The following CNTN1 variants were observed in gnomAD, a reference collection of about 807,000 sequenced individuals.
CNTN1 encodes the protein contactin-1.
CNTN1 carries 38 observed loss-of-function variants against 126.4 expected under a neutral mutation model. The observed-to-expected ratio is 0.30, with a 90% confidence interval of 0.23 to 0.39. The LOEUF is 0.39. CNTN1 is among the 10% of genes least tolerant of loss of function. CNTN1 has a pLI of 1.00. For missense variants in CNTN1, 1,009 were observed against 1,248.4 expected, an observed-to-expected ratio of 0.81 and a Z score of 2.89; for synonymous variants, 413 against 422.6, an observed-to-expected ratio of 0.98 and a Z score of 0.28.
chr12:40,836,274 A>G (rs969848850), intron 1 of CNTN1, among the ~76,000 whole-genome samples: 9 of 148,324 alleles, frequency 6.1e-5, no homozygotes, highest in African/African-American at 2.5e-5. Context: ...TATAATATGT[A>G]TGTATATATA....
chr12:40,880,005 C>A (rs965374664), intron 1 of CNTN1, among the ~76,000 whole-genome samples: 1 of 152,016 alleles, frequency 6.6e-6, no homozygotes. Context: ...TGTAGTAATA[C>A]CTTTGCTCCA....
intron 1 of CNTN1, among the ~76,000 whole-genome samples, chr12:40,725,476 A>G (rs1310438712): frequency 6.7e-6 from 1 of 150,250 alleles, no homozygotes. Context: ...CTTTTTCTCT[A>G]TCCCTTTGAG....
chr12:40,759,490 G>C (rs1938753782), intron 1 of CNTN1, among the ~76,000 whole-genome samples: 1 of 143,602 alleles, frequency 7.0e-6, no homozygotes, highest in Admixed American at 7.2e-5. Flanking sequence ...TTTTTAGACA[G>C]GGTCTCACTC....
At chr12:40,932,479 C>T (rs952318714) in intron 7 of CNTN1, among the ~76,000 whole-genome samples, 1 of 151,936 alleles carries the variant, frequency 6.6e-6, no homozygotes, top group Non-Finnish European at 1.5e-5. Flanking sequence ...TCTCTATTAG[C>T]ACCATGAGAA....
At chr12:40,862,060 A>AT (rs1943132295) in intron 1 of CNTN1, among the ~76,000 whole-genome samples, 3 of 88,514 alleles carry the variant, frequency 3.4e-5, no homozygotes, top group African/African-American at 1.6e-4. Context: ...ACAAAAATAA[A>AT]GAAAAAAAAA....
At chr12:40,889,593 A>T (rs1944169766) in intron 1 of CNTN1, among the ~76,000 whole-genome samples, 1 of 152,134 alleles carries the variant, frequency 6.6e-6, no homozygotes, top group South Asian at 2.1e-4. Context: ...TCAATGGGAG[A>T]GTCAGACACT....
At chr12:40,776,622 C>T (rs1939586743) in intron 1 of CNTN1, among the ~76,000 whole-genome samples, 1 of 151,704 alleles carries the variant, frequency 6.6e-6, no homozygotes, top group Non-Finnish European at 1.5e-5. Context: ...CTTTCTCTAT[C>T]CCTACTTCCT....
intron 23 of CNTN1, among the ~76,000 whole-genome samples, chr12:41,043,290 A>C (rs900983422): frequency 5.9e-5 from 9 of 152,294 alleles, no homozygotes; most frequent in Admixed American, 1.3e-4. Flanking sequence ...CAATGAACTC[A>C]AACAAATTTA....
At chr12:41,015,974 A>G (rs1948769880) in intron 18 of CNTN1, among the ~76,000 whole-genome samples, 1 of 152,156 alleles carries the variant, frequency 6.6e-6, no homozygotes, top group Non-Finnish European at 1.5e-5. Flanking sequence ...TGAGTGCAAT[A>G]TTGTCCCTTC....
At chr12:40,944,711 G>A (rs562967988) in intron 14 of CNTN1, among the ~76,000 whole-genome samples, 101 of 152,068 alleles carry the variant, frequency 6.6e-4, no homozygotes, top group South Asian at 4.4e-3. Flanking sequence ...GATATAGAGA[G>A]TCAAGGTGTA....
intron 16 of CNTN1, among the ~76,000 whole-genome samples, chr12:40,983,096 A>G (rs1947863815): frequency 6.6e-6 from 1 of 152,156 alleles, no homozygotes; most frequent in Non-Finnish European, 1.5e-5. Context: ...ATAATAAAAT[A>G]AATAAATAAG....
At position 40,996,315 on chromosome 12, in the gene CNTN1, T is replaced by G. The variant is rs115126685; in HGVS notation, c.2113+3046T>G. ...CCCAGCTATTTTGTGTGTTTTTTGG[T>G]AGAGACTGGGTTTCTCCATGTTGCC... On this transcript the variant is annotated intron_variant, in intron 17 of 23. Coordinates refer to ENST00000551295, the MANE Select transcript of CNTN1 (RefSeq NM_001843.4). Among the ~76,000 whole-genome samples the G allele has an allele frequency of 8.0e-3, 1,217 of 152,162 alleles. 13 individuals are homozygous for G. The highest frequency in any genetic ancestry group is 0.028 in the African/African-American group (1,143 of 41,506).
chr12:40,990,690 C>A (rs188797087), intron 16 of CNTN1, among the ~76,000 whole-genome samples: 1 of 152,234 alleles, frequency 6.6e-6, no homozygotes, highest in Non-Finnish European at 1.5e-5. Flanking sequence ...ATCAGTCAAT[C>A]AACTGCAGCT....
chr12:40,732,572 A>G (rs1357024077), intron 1 of CNTN1, among the ~76,000 whole-genome samples: 2 of 152,046 alleles, frequency 1.3e-5, no homozygotes, highest in Admixed American at 6.6e-5. Flanking sequence ...CCTCTAGTGC[A>G]TAGAGGGGAA....
intron 16 of CNTN1, among the ~76,000 whole-genome samples, chr12:40,991,607 A>T (rs1948096942): frequency 6.6e-6 from 1 of 152,170 alleles, no homozygotes; most frequent in African/African-American, 2.4e-5. Context: ...AGGTGGGTGG[A>T]TCACGAGGTC....
rs573304054 is a variant in CNTN1 at position 40,838,347 on chromosome 12, A to G, written c.-76-70010A>G. Among the ~76,000 whole-genome samples, 7 of 152,098 alleles carry G rather than the reference A, an allele frequency of 4.6e-5. No individual in the cohort carries two copies. In the South Asian group the frequency reaches 1.5e-3, roughly 32 times the overall value. ...AACACACACCAACTGAGACCCAAAT[A>G]ATTTTTCTGCCATTGCTATTGCCAT... On this transcript the variant is annotated intron_variant, in intron 1 of 23. Coordinates refer to ENST00000551295, the MANE Select transcript of CNTN1 (RefSeq NM_001843.4).
At chr12:40,985,530 A>G (rs1395701639) in intron 16 of CNTN1, among the ~76,000 whole-genome samples, 1 of 152,122 alleles carries the variant, frequency 6.6e-6, no homozygotes, top group East Asian at 1.9e-4. Flanking sequence ...CTTTAAAAAC[A>G]TTGTTCTGTT....
At chr12:40,853,970 T>C (rs1000636400) in intron 1 of CNTN1, among the ~76,000 whole-genome samples, 7 of 150,658 alleles carry the variant, frequency 4.6e-5, no homozygotes, top group Non-Finnish European at 4.4e-5. Context: ...TCCAAATTTA[T>C]AATAATTTTC....
At chr12:40,842,954 C>T (rs1390250458) in intron 1 of CNTN1, among the ~76,000 whole-genome samples, 1 of 151,930 alleles carries the variant, frequency 6.6e-6, no homozygotes, top group Non-Finnish European at 1.5e-5. Flanking sequence ...GGATTTTATG[C>T]AATGATATAA....
Sources: gnomAD v4.1 joint callset for allele counts (sites outside exome capture counted in the v4.1 genomes callset) on GRCh38, gnomAD v4.1.1 for gene constraint, MANE v1.5 for transcripts, NCBI Gene and HGNC (gene_info 2026-07-23, HGNC 2026-07-21) for gene names.